Variants in FHIT observed in about 807,000 individuals in gnomAD.
The protein encoded by FHIT is bis(5'-adenosyl)-triphosphatase.
In FHIT, 19 loss-of-function variants were observed where a neutral mutation model predicts 17.9. The ratio of observed to expected loss-of-function variants is 1.06; its 90% CI spans 0.74 to 1.56. FHIT has a LOEUF of 1.56. Among genes scored for constraint, FHIT ranks in the 40% most tolerant of loss-of-function variants. The pLI is 0.00. For missense variants in FHIT, 248 were observed against 189.2 expected (o/e 1.31, Z -1.82); for synonymous variants, 81 against 69.7 (o/e 1.16, Z -0.81).
chr3:60,456,573 G>A (rs952872711), intron 5 of FHIT, among the ~76,000 whole-genome samples: 5 of 152,070 alleles, frequency 3.3e-5, no homozygotes, highest in Admixed American at 6.6e-5. Flanking sequence ...TTAAGTTAAT[G>A]GCAGCAGCAG....
At chr3:59,904,892 T>A (rs948558651) in intron 8 of FHIT, among the ~76,000 whole-genome samples, 1 of 152,108 alleles carries the variant, frequency 6.6e-6, no homozygotes, top group African/African-American at 2.4e-5. Flanking sequence ...TGCAAATAAG[T>A]CTAAAGCAAA....
At chr3:59,906,697 G>C (rs1310089933) in intron 8 of FHIT, among the ~76,000 whole-genome samples, 1 of 152,170 alleles carries the variant, frequency 6.6e-6, no homozygotes, top group African/African-American at 2.4e-5. Flanking sequence ...AATTTCCAAA[G>C]ATATTAGGAT....
At chr3:59,760,645 A>G (rs1701463726) in intron 8 of FHIT, among the ~76,000 whole-genome samples, 1 of 152,140 alleles carries the variant, frequency 6.6e-6, no homozygotes, top group African/African-American at 2.4e-5. Flanking sequence ...ATCTCAGCAA[A>G]GAGCAACTGC....
intron 4 of FHIT, among the ~76,000 whole-genome samples, chr3:60,794,443 TA>T (rs5849389): frequency 1 from 152,200 of 152,202 alleles, 76,099 homozygotes; most frequent in Middle Eastern, 1. Flanking sequence ...GATTTAAAGA[TA>T]AAACAGTTTT....
intron 4 of FHIT, among the ~76,000 whole-genome samples, chr3:60,648,340 T>C (rs2039911243): frequency 6.6e-6 from 1 of 152,224 alleles, no homozygotes; most frequent in Non-Finnish European, 1.5e-5. Context: ...AAGGGAATCA[T>C]AAATCCAACT....
intron 8 of FHIT, among the ~76,000 whole-genome samples, chr3:59,783,783 AC>A (rs1392187345): frequency 5.9e-5 from 9 of 151,766 alleles, no homozygotes; most frequent in Non-Finnish European, 1.2e-4. Flanking sequence ...ATTTGCCACA[AC>A]CCCCACACCC....
intron 5 of FHIT, among the ~76,000 whole-genome samples, chr3:60,314,653 C>G (rs1439819997): frequency 1.3e-5 from 2 of 152,126 alleles, no homozygotes; most frequent in African/African-American, 2.4e-5. Flanking sequence ...TAAAAACTTT[C>G]TAACTGAGAT....
intron 4 of FHIT, among the ~76,000 whole-genome samples, chr3:60,769,227 C>A (rs1355098337): frequency 6.6e-6 from 1 of 152,154 alleles, no homozygotes; most frequent in Non-Finnish European, 1.5e-5. Context: ...TAAAAGACAA[C>A]ACCCTGAAAA....
intron 5 of FHIT, among the ~76,000 whole-genome samples, chr3:60,141,431 A>G (rs374729610): frequency 5.3e-5 from 8 of 152,030 alleles, no homozygotes; most frequent in African/African-American, 1.9e-4. Context: ...ACTGAGCCAA[A>G]TGAGATATTG....
intron 3 of FHIT, among the ~76,000 whole-genome samples, chr3:60,901,938 G>A (rs1706135395): frequency 6.6e-6 from 1 of 151,944 alleles, no homozygotes; most frequent in Non-Finnish European, 1.5e-5. Context: ...TTTTTGTTTT[G>A]TTTTGTTTTT....
chr3:59,819,724 AT>A (rs1459619216), intron 8 of FHIT, among the ~76,000 whole-genome samples: 2 of 152,154 alleles, frequency 1.3e-5, no homozygotes, highest in African/African-American at 2.4e-5. Context: ...CTCATAATTT[AT>A]TTACCTATTC....
intron 2 of FHIT, among the ~76,000 whole-genome samples, chr3:61,134,567 T>C (rs1471508342): frequency 1.3e-5 from 2 of 152,094 alleles, no homozygotes; most frequent in Admixed American, 6.6e-5. Flanking sequence ...AAAGATTATA[T>C]GGGCAGAGTC....
At chr3:61,042,623 G>A (rs897682397) in intron 2 of FHIT, among the ~76,000 whole-genome samples, 3 of 152,076 alleles carry the variant, frequency 2.0e-5, no homozygotes, top group African/African-American at 2.4e-5. Context: ...CGGATCACTC[G>A]AGGTCAGCCG....
intron 5 of FHIT, among the ~76,000 whole-genome samples, chr3:60,345,957 T>G (rs1710755612): frequency 6.6e-6 from 1 of 152,216 alleles, no homozygotes; most frequent in East Asian, 1.9e-4. Context: ...GAAAATCACT[T>G]CCACAACTAA....
At chr3:60,049,751 T>A (rs966290880) in intron 5 of FHIT, among the ~76,000 whole-genome samples, 2 of 152,220 alleles carry the variant, frequency 1.3e-5, no homozygotes, top group African/African-American at 2.4e-5. Flanking sequence ...ATCTTTAAAT[T>A]ACACATGTGG....
At chr3:60,749,935 A>C (rs1242237132) in intron 4 of FHIT, among the ~76,000 whole-genome samples, 3 of 152,248 alleles carry the variant, frequency 2.0e-5, no homozygotes, top group Non-Finnish European at 2.9e-5. Flanking sequence ...TAAAGTGCCC[A>C]GTATAAGTCT....
At chr3:60,307,802 G>A (rs966333788) in intron 5 of FHIT, among the ~76,000 whole-genome samples, 1 of 152,116 alleles carries the variant, frequency 6.6e-6, no homozygotes, top group Admixed American at 6.6e-5. Context: ...CTCAGATGCT[G>A]TCTGTGCCCA....
At chr3:60,113,471 G>C (rs1226045734) in intron 5 of FHIT, among the ~76,000 whole-genome samples, 4 of 151,824 alleles carry the variant, frequency 2.6e-5, no homozygotes, top group Non-Finnish European at 5.9e-5. Flanking sequence ...TAACTGGTTA[G>C]TCTTTTGGGA....
Position 60,378,554 on chromosome 3 carries a change from T to C in FHIT, c.103+158306A>G, listed in dbSNP as rs371773748. Among the ~76,000 whole-genome samples the C allele has an allele frequency of 1.3e-3, 198 of 152,308 alleles. 1 individual carries two copies. The highest frequency in any genetic ancestry group is 4.3e-3 in the African/African-American group (179 of 41,582). On this transcript the variant is annotated intron_variant, in intron 5 of 9. Coordinates refer to ENST00000492590, the MANE Select transcript of FHIT (RefSeq NM_002012.4). ...CAATTCCTTGGTATTTCAAAGATAA[T>C]GTGCCAAGTCCTATTATCATTTAGC...
Sources: allele counts gnomAD v4.1 joint callset (sites outside exome capture counted in the v4.1 genomes callset), GRCh38; gene constraint gnomAD v4.1.1; transcripts MANE v1.5; gene names NCBI Gene and HGNC (gene_info 2026-07-23, HGNC 2026-07-21).